ANKS1A: variants seen among roughly 807,000 people sequenced by gnomAD.
ANKS1A encodes ankyrin repeat and sterile alpha motif domain containing 1A.
In ANKS1A, 55 loss-of-function variants were observed where a neutral mutation model predicts 120.3. That is an observed-to-expected ratio of 0.46 (90% CI 0.37 to 0.57). The LOEUF (loss-of-function observed/expected upper bound fraction) is 0.57. ANKS1A is among the 20% of genes least tolerant of loss of function. The pLI is 0.00. For missense variants in ANKS1A, 1,123 were observed against 1,480.3 expected (o/e 0.76, Z 3.96); for synonymous variants, 590 against 604.7 (o/e 0.98, Z 0.36).
At chr6:35,007,515 A>G (rs1773526742) in intron 10 of ANKS1A, among the ~76,000 whole-genome samples, 1 of 152,172 alleles carries the variant, frequency 6.6e-6, no homozygotes, top group Admixed American at 6.5e-5. Context: ...TTTCTCTTTC[A>G]TGTTTAACTC....
rs960658920 is a variant in ANKS1A at position 34,991,919 on chromosome 6, A to G, written c.1303-2383A>G. ...GAATCCTTTCTGTTGAAAATCAGTT[A>G]TTGCCGTATTGACTATGACATAGGG... On this transcript the variant is annotated intron_variant, in intron 9 of 23. Coordinates refer to ENST00000360359, the MANE Select transcript of ANKS1A (RefSeq NM_015245.3). 2.0e-5 allele frequency among the ~76,000 whole-genome samples: 3 copies of G among 151,310 alleles called. No individual in the cohort carries two copies. The South Asian group carries it at 6.2e-4, about 31-fold the overall frequency.
In ANKS1A at chr6:35,082,791, T is replaced by G; in HGVS notation, c.2810T>G (p.Phe937Cys). ...CAACACCAGCCAGAGAAACTCATCTTCGAGTCCTGTGGTTATGAAGCCAAT... is the reference window on the plus strand; with the variant it reads ...CAACACCAGCCAGAGAAACTCATCTGCGAGTCCTGTGGTTATGAAGCCAAT... ...SWQHQPEKLI[F>C]ESCGYEANYL... Residue 937 changes from phenylalanine (F) to cysteine (C), a missense_variant, in exon 18 of 24, where the codon TTC becomes TGC. Phe to Cys is a radical substitution (Grantham distance 205, BLOSUM62 -2). Coordinates refer to ENST00000360359, the MANE Select transcript of ANKS1A (RefSeq NM_015245.3). This position sits in a 1 kb window ranked among gnomAD's most constrained non-coding sequence, Gnocchi z 4.1. 6.2e-7 allele frequency: 1 copy of G among 1,613,956 alleles called. No individual in the cohort carries two copies. Among genetic ancestry groups the G allele is most frequent in the Non-Finnish European group, 8.5e-7 (1 of 1,179,922 alleles).
At chr6:34,917,445 CAGTGT>C (rs960218836) in intron 1 of ANKS1A, among the ~76,000 whole-genome samples, 1 of 152,222 alleles carries the variant, frequency 6.6e-6, no homozygotes, top group Non-Finnish European at 1.5e-5. Context: ...CGCTGCCCCA[CAGTGT>C]TCCAAATTAC....
At chr6:35,073,871 G>A (rs1777202892) in intron 13 of ANKS1A, among the ~76,000 whole-genome samples, 1 of 152,198 alleles carries the variant, frequency 6.6e-6, no homozygotes. Context: ...GCCCTTTGAG[G>A]ATATGTGGCA....
intron 3 of ANKS1A, among the ~76,000 whole-genome samples, chr6:34,975,989 T>G (rs926857180): frequency 6.6e-6 from 1 of 151,164 alleles, no homozygotes; most frequent in African/African-American, 2.4e-5. Context: ...AATACAAAAA[T>G]TAGCTAGGCG....
At position 34,983,222 on chromosome 6, in the gene ANKS1A, C is replaced by G. The variant is rs757235272; in HGVS notation, c.910+8C>G. The G allele has an allele frequency of 3.1e-6, 5 of 1,613,880 alleles. No individual in the cohort carries two copies. The highest frequency in any genetic ancestry group is 1.1e-5 in the South Asian group (1 of 91,070). ...TAGCAGCATTAATTGAAGGTATCATCCTTTCTCCCTGTCTGGGTGACCAGG... is the reference window on the plus strand; with the variant it reads ...TAGCAGCATTAATTGAAGGTATCATGCTTTCTCCCTGTCTGGGTGACCAGG... On this transcript the variant is annotated splice_region_variant and intron_variant, in intron 6 of 23. Coordinates refer to ENST00000360359, the MANE Select transcript of ANKS1A (RefSeq NM_015245.3).
chr6:35,064,060 C>G lies in ANKS1A; in HGVS notation c.2184+3807C>G, dbSNP rs567123824. ...TGCTGGGGGGCAGTGACGGGCAGGGCCCTGACCAGGCGGGAGAGATGGCTG... is the reference window on the plus strand; with the variant it reads ...TGCTGGGGGGCAGTGACGGGCAGGGGCCTGACCAGGCGGGAGAGATGGCTG... On this transcript the variant is annotated intron_variant, in intron 13 of 23. Coordinates refer to ENST00000360359, the MANE Select transcript of ANKS1A (RefSeq NM_015245.3). Among the ~76,000 whole-genome samples the G allele has an allele frequency of 3.5e-4, 54 of 152,350 alleles. 1 individual carries two copies. Among genetic ancestry groups the G allele is most frequent in the Admixed American group, 2.2e-3 (34 of 15,308 alleles).
At chr6:34,983,633 T>C (rs1454877574) in intron 7 of ANKS1A, among the ~76,000 whole-genome samples, 2 of 152,186 alleles carry the variant, frequency 1.3e-5, no homozygotes, top group Admixed American at 1.3e-4. Flanking sequence ...TTTCCTACTT[T>C]ATTTTAGCCT....
downstream of ANKS1A, among the ~76,000 whole-genome samples, chr6:35,094,859 G>A (rs1263786556): frequency 1.3e-5 from 2 of 152,150 alleles, no homozygotes; most frequent in Non-Finnish European, 2.9e-5. Flanking sequence ...AAATACTCGA[G>A]GCCGGGTATT....
intron 3 of ANKS1A, chr6:34,972,460 T>C: frequency 4.1e-6 from 1 of 244,590 alleles, no homozygotes; most frequent in Non-Finnish European, 6.6e-6. Flanking sequence ...TAACTTCCCT[T>C]TGAGGCATCC....
rs958418839 is a variant in ANKS1A at position 35,044,993 on chromosome 6, A to G, written c.2011-9106A>G. 1.3e-5 allele frequency among the ~76,000 whole-genome samples: 2 copies of G among 152,208 alleles called. No individual in the cohort carries two copies. The highest frequency in any genetic ancestry group is 6.5e-5 in the Admixed American group (1 of 15,278). On this transcript the variant is annotated intron_variant, in intron 11 of 23. Coordinates refer to ENST00000360359, the MANE Select transcript of ANKS1A (RefSeq NM_015245.3). The surrounding 1 kb of genome is among the most constrained non-coding windows in gnomAD (Gnocchi z 4.4). ...TCAAGTTACAGAGGGAAACAGGCACAGTATCTCCTGCTATGGCCCTGGGAA... is the reference window on the plus strand; with the variant it reads ...TCAAGTTACAGAGGGAAACAGGCACGGTATCTCCTGCTATGGCCCTGGGAA...
At chr6:35,061,353 G>T (rs575324942) in intron 13 of ANKS1A, among the ~76,000 whole-genome samples, 9 of 152,314 alleles carry the variant, frequency 5.9e-5, no homozygotes, top group African/African-American at 2.2e-4. Context: ...GAGTCATCTT[G>T]GTTTGAGTTA....
chr6:35,003,184 G>A (rs1259589490), intron 10 of ANKS1A, among the ~76,000 whole-genome samples: 1 of 152,038 alleles, frequency 6.6e-6, no homozygotes, highest in African/African-American at 2.4e-5. Flanking sequence ...CCCCCTAAGC[G>A]AATCATACAA....
intron 1 of ANKS1A, among the ~76,000 whole-genome samples, chr6:34,916,793 A>T (rs2127461927): frequency 6.6e-6 from 1 of 152,338 alleles, no homozygotes; most frequent in African/African-American, 2.4e-5. Context: ...AAAAATAACC[A>T]CATTGTTGGA....
chr6:34,920,376 A>G (rs1407613189), intron 1 of ANKS1A, among the ~76,000 whole-genome samples: 1 of 151,764 alleles, frequency 6.6e-6, no homozygotes, highest in African/African-American at 2.4e-5. Flanking sequence ...CCACCATGCC[A>G]GGCTAATTTT....
chr6:35,076,536 AC>A (rs1204751136), intron 13 of ANKS1A, among the ~76,000 whole-genome samples: 1 of 152,214 alleles, frequency 6.6e-6, no homozygotes, highest in Non-Finnish European at 1.5e-5. Context: ...AAATGCACTT[AC>A]CATGTGACCT....
chr6:35,053,548 C>A (rs965314358), intron 11 of ANKS1A, among the ~76,000 whole-genome samples: 1 of 152,240 alleles, frequency 6.6e-6, no homozygotes, highest in Non-Finnish European at 1.5e-5. Flanking sequence ...CTCACCTTTC[C>A]TTCCCAGAGG....
intron 9 of ANKS1A, among the ~76,000 whole-genome samples, chr6:34,993,705 G>A (rs549738925): frequency 6.6e-6 from 1 of 152,236 alleles, no homozygotes; most frequent in African/African-American, 2.4e-5. Context: ...TTGAGGGTCA[G>A]TTGGAAGTCA....
intron 16 of ANKS1A, 56 bp from the exon 17 acceptor site, chr6:35,080,938 G>A (rs1195154981): frequency 8.9e-6 from 14 of 1,579,210 alleles, no homozygotes; most frequent in Non-Finnish European, 1.2e-5. Context: ...GCTGATACCT[G>A]TAGTCGGGCA....
Sources: gnomAD v4.1 joint callset for allele counts (sites outside exome capture counted in the v4.1 genomes callset) on GRCh38, gnomAD v4.1.1 for gene constraint, Gnocchi (gnomAD v3.1) non-coding constraint, MANE v1.5 for transcripts, NCBI Gene and HGNC (gene_info 2026-07-23, HGNC 2026-07-21) for gene names.